DCLK2: variants seen among roughly 807,000 people sequenced by gnomAD.
DCLK2 encodes doublecortin like kinase 2, also known as serine/threonine-protein kinase DCLK2.
DCLK2 carries 31 observed loss-of-function variants against 78.4 expected under a neutral mutation model. That is an observed-to-expected ratio of 0.40 (90% CI 0.30 to 0.53). DCLK2 has a LOEUF of 0.53. Ranked by LOEUF, DCLK2 falls within the 20% of genes least tolerant of loss-of-function variation. The pLI is 0.61. For missense variants in DCLK2, 872 were observed against 973.7 expected, an observed-to-expected ratio of 0.90 and a Z score of 1.39; for synonymous variants, 407 against 374.9, an observed-to-expected ratio of 1.09 and a Z score of -0.99.
At chr4:150,097,265 C>T (rs1229059431) in intron 1 of DCLK2, among the ~76,000 whole-genome samples, 5 of 150,834 alleles carry the variant, frequency 3.3e-5, no homozygotes, top group East Asian at 2.0e-4. Context: ...TGGGTTCAAG[C>T]GATTCTAGTG....
intron 12 of DCLK2, among the ~76,000 whole-genome samples, chr4:150,242,304 T>G (rs531845530): frequency 8.0e-4 from 122 of 152,192 alleles, no homozygotes; most frequent in Non-Finnish European, 1.6e-3. Flanking sequence ...TCATGAAAGA[T>G]GTAGCATTTG....
chr4:150,127,020 G>C (rs1290041684), intron 2 of DCLK2, among the ~76,000 whole-genome samples: 1 of 152,086 alleles, frequency 6.6e-6, no homozygotes, highest in Non-Finnish European at 1.5e-5. Flanking sequence ...TGAATACATT[G>C]TGGTTATGCA....
intron 2 of DCLK2, among the ~76,000 whole-genome samples, chr4:150,191,446 A>G (rs554587934): frequency 6.6e-6 from 1 of 152,176 alleles, no homozygotes; most frequent in East Asian, 1.9e-4. Flanking sequence ...GAAGGAACCA[A>G]GGAATAGAAG....
chr4:150,165,187 A>G (rs1735977217), intron 2 of DCLK2, among the ~76,000 whole-genome samples: 1 of 152,208 alleles, frequency 6.6e-6, no homozygotes, highest in Admixed American at 6.5e-5. Context: ...ACTGCTGAGG[A>G]CTATGGGTGT....
chr4:150,250,798 C>T (rs1417416639), intron 15 of DCLK2, among the ~76,000 whole-genome samples: 1 of 151,064 alleles, frequency 6.6e-6, no homozygotes, highest in African/African-American at 2.4e-5. Context: ...AGAGCCTTAC[C>T]TAGGAAGACG....
intron 1 of DCLK2, among the ~76,000 whole-genome samples, chr4:150,097,172 C>CTTTT (rs35494411): frequency 7.5e-6 from 1 of 134,006 alleles, no homozygotes; most frequent in African/African-American, 2.8e-5. Context: ...AATTTCTAGC[C>CTTTT]TTTTTTTTTT....
At chr4:150,175,096 A>G (rs184575993) in intron 2 of DCLK2, among the ~76,000 whole-genome samples, 47,830 of 50,842 alleles carry the variant, frequency 0.94, 23,006 homozygotes, top group Middle Eastern at 0.97. Context: ...ATATATATTT[A>G]TATATATTTA....
chr4:150,152,812 C>T (rs1206013075), intron 2 of DCLK2, among the ~76,000 whole-genome samples: 1 of 152,120 alleles, frequency 6.6e-6, no homozygotes, highest in Admixed American at 6.5e-5. Flanking sequence ...AAAAATACTC[C>T]TTATCATGCT....
At chr4:150,217,417 A>G (rs137869365) in intron 5 of DCLK2, among the ~76,000 whole-genome samples, 467 of 152,332 alleles carry the variant, frequency 3.1e-3, no homozygotes, top group African/African-American at 0.011. Context: ...GGGAGGTCCA[A>G]TGAACTGAAT....
chr4:150,104,607 A>G (rs902549672), intron 2 of DCLK2, among the ~76,000 whole-genome samples: 6 of 152,098 alleles, frequency 3.9e-5, no homozygotes, highest in Non-Finnish European at 8.8e-5. Flanking sequence ...GCTGGTATTT[A>G]AAGGATGGCT....
rs1027035910 is a variant in DCLK2 at position 150,232,376 on chromosome 4, G to A, written c.1339G>A (p.Val447Met). Residue 447 changes from valine (V) to methionine (M), a missense_variant, in exon 9 of 16, where the codon GTG (valine) becomes ATG (methionine). Val to Met is a conservative substitution (Grantham distance 21). Coordinates refer to ENST00000296550, the MANE Select transcript of DCLK2 (RefSeq NM_001040260.4). ...GAATGAAGTGTCAATACTGCGCCGAGTGAAACATCCCAATATCATTATGCT... is the reference window on the plus strand; with the variant it reads ...GAATGAAGTGTCAATACTGCGCCGAATGAAACATCCCAATATCATTATGCT... The part of the protein sequence containing the change: ...IENEVSILRR[V>M]KHPNIIMLVE... 6 of 1,614,048 alleles carry A rather than the reference G, an allele frequency of 3.7e-6. No individual in the cohort carries two copies. Among genetic ancestry groups the A allele is most frequent in the Non-Finnish European group, 5.1e-6 (6 of 1,180,020 alleles).
chr4:150,145,876 A>G (rs1177083092), intron 2 of DCLK2, among the ~76,000 whole-genome samples: 1 of 152,192 alleles, frequency 6.6e-6, no homozygotes, highest in Non-Finnish European at 1.5e-5. Flanking sequence ...TCAAAAATGT[A>G]GAGTATCAAA....
At position 150,187,037 on chromosome 4, in the gene DCLK2, G is replaced by A. The variant is rs150261974; in HGVS notation, c.757-6101G>A. On this transcript the variant is annotated intron_variant, in intron 2 of 15. Transcript: ENST00000296550. ...GTAATTTTAGCATAAAAATAAGATC[G>A]ATGTGCTTACAATTCTGTTTATTTA... Among the ~76,000 whole-genome samples the A allele has an allele frequency of 1.2e-4, 18 of 152,112 alleles. No individual in the cohort carries two copies. In the South Asian group the frequency reaches 2.7e-3, roughly 23 times the overall value.
chr4:150,205,149 G>A (rs534235627), intron 5 of DCLK2, among the ~76,000 whole-genome samples: 2 of 152,150 alleles, frequency 1.3e-5, no homozygotes, highest in South Asian at 4.2e-4. Context: ...TAAACTTAAT[G>A]GTTAGAACTC....
chr4:150,169,497 A>G (rs896706441), intron 2 of DCLK2, among the ~76,000 whole-genome samples: 1 of 152,086 alleles, frequency 6.6e-6, no homozygotes, highest in Non-Finnish European at 1.5e-5. Context: ...CTTCTCTACT[A>G]AAAATATGAA....
At chr4:150,235,255 A>C (rs1742404563) in intron 10 of DCLK2, among the ~76,000 whole-genome samples, 1 of 151,890 alleles carries the variant, frequency 6.6e-6, no homozygotes, top group Non-Finnish European at 1.5e-5. Context: ...TCTCTTTTCC[A>C]CTCAGAGTTT....
chr4:150,218,532 T>C (rs1740921743), intron 5 of DCLK2, among the ~76,000 whole-genome samples: 1 of 152,176 alleles, frequency 6.6e-6, no homozygotes, highest in South Asian at 2.1e-4. Context: ...GACCATTACC[T>C]GCTTCCAGGA....
At chr4:150,216,648 A>G (rs1214587653) in intron 5 of DCLK2, among the ~76,000 whole-genome samples, 1 of 152,130 alleles carries the variant, frequency 6.6e-6, no homozygotes, top group African/African-American at 2.4e-5. Flanking sequence ...CAAAAAAAAA[A>G]GTTATTAGCA....
Position 150,172,800 on chromosome 4 carries a change from T to C in DCLK2, c.757-20338T>C, listed in dbSNP as rs533259612. ...TACCTTGCTCTTTCTCATCTTTGCC[T>C]GGCAGTACAAAAAATTTTGCTAGAT... On this transcript the variant is annotated intron_variant, in intron 2 of 15. Coordinates refer to ENST00000296550, the MANE Select transcript of DCLK2 (RefSeq NM_001040260.4). Among the ~76,000 whole-genome samples the C allele has an allele frequency of 2.0e-5, 3 of 148,350 alleles. No individual in the cohort carries two copies. The East Asian group carries it at 6.2e-4, about 30-fold the overall frequency.
Sources: allele counts gnomAD v4.1 joint callset (sites outside exome capture counted in the v4.1 genomes callset), GRCh38; gene constraint gnomAD v4.1.1; transcripts MANE v1.5; gene names NCBI Gene and HGNC (gene_info 2026-07-23, HGNC 2026-07-21).